Variants in CIBAR1 observed in about 807,000 individuals in gnomAD.
CIBAR1 encodes the protein CBY1 interacting BAR domain containing 1, also known as CBY1-interacting BAR domain-containing protein 1.
A neutral mutation model predicts 44.0 loss-of-function variants in CIBAR1; 25 were observed. The ratio of observed to expected loss-of-function variants is 0.57; its 90% CI spans 0.41 to 0.79. The LOEUF is 0.79. Ranked by LOEUF, CIBAR1 falls within the 30% of genes least tolerant of loss-of-function variation. The pLI, the probability that CIBAR1 is intolerant of heterozygous loss-of-function variation, is 0.00. For missense variants in CIBAR1, 278 were observed against 344.8 expected (o/e 0.81, Z 1.53); for synonymous variants, 115 against 119.0 (o/e 0.97, Z 0.22).
chr8:93,713,216 A>G (rs1432954255), intron 6 of CIBAR1, among the ~76,000 whole-genome samples: 1 of 151,650 alleles, frequency 6.6e-6, no homozygotes, highest in Non-Finnish European at 1.5e-5. Context: ...TATTTTTAGT[A>G]GAGATGGGGT....
intron 2 of CIBAR1, chr8:93,702,298 C>A: frequency 2.4e-6 from 1 of 410,742 alleles, no homozygotes; most frequent in East Asian, 7.2e-5. Context: ...GAGTTCTTGT[C>A]ATGAAACTTC....
At chr8:93,701,185 A>C in intron 1 of CIBAR1, 39 bp from the exon 2 acceptor site, 1 of 1,587,282 alleles carries the variant, frequency 6.3e-7, no homozygotes, top group Non-Finnish European at 8.6e-7. Flanking sequence ...TCTCATCTCT[A>C]ACGAGAATGT....
Position 93,728,365 on chromosome 8 carries a change from C to G in CIBAR1, c.*68C>G. ...AATGACTAAATTGTAGAACTTTATACTCACTTTGCTATGTTAAGCCTCAAA... is the reference window on the plus strand; with the variant it reads ...AATGACTAAATTGTAGAACTTTATAGTCACTTTGCTATGTTAAGCCTCAAA... On this transcript the variant is annotated 3_prime_UTR_variant, in exon 9 of 9. Coordinates refer to ENST00000518322, the MANE Select transcript of CIBAR1 (RefSeq NM_145269.5). The G allele has an allele frequency of 9.6e-7, 1 of 1,037,676 alleles. No individual in the cohort carries two copies. The highest frequency in any genetic ancestry group is 1.4e-6 in the Non-Finnish European group (1 of 709,264). 64.3% of individuals were successfully genotyped at this position (1,037,676 alleles called of 1,614,324 possible).
intron 7 of CIBAR1, 66 bp downstream of exon 7, chr8:93,718,854 G>T: frequency 2.0e-6 from 2 of 977,070 alleles, no homozygotes; most frequent in Non-Finnish European, 3.0e-6. Flanking sequence ...GAGAACATTA[G>T]TATGTGATTA....
chr8:93,727,454 G>GCAC (rs1338670262), intron 8 of CIBAR1, among the ~76,000 whole-genome samples: 1 of 152,134 alleles, frequency 6.6e-6, no homozygotes, highest in Non-Finnish European at 1.5e-5. Flanking sequence ...CACTTGTATA[G>GCAC]CACTTCAGAA....
intron 6 of CIBAR1, among the ~76,000 whole-genome samples, chr8:93,716,591 A>G (rs1230852352): frequency 6.6e-6 from 1 of 152,116 alleles, no homozygotes; most frequent in Non-Finnish European, 1.5e-5. Flanking sequence ...TTAAAGAGAA[A>G]GTATGTTGCA....
intron 5 of CIBAR1, 71 bp from the exon 6 acceptor site, chr8:93,709,700 A>G: frequency 7.9e-7 from 1 of 1,272,820 alleles, no homozygotes; most frequent in Non-Finnish European, 1.1e-6. Context: ...GGTAGAATTT[A>G]CCAGTAGGCT....
At chr8:93,726,955 A>G (rs1459687793) in intron 8 of CIBAR1, among the ~76,000 whole-genome samples, 3 of 152,196 alleles carry the variant, frequency 2.0e-5, no homozygotes, top group African/African-American at 4.8e-5. Flanking sequence ...AGAAAGCTTG[A>G]GTTTCCCAGT....
intron 6 of CIBAR1, among the ~76,000 whole-genome samples, chr8:93,717,518 A>G (rs1372395847): frequency 6.6e-6 from 1 of 152,178 alleles, no homozygotes; most frequent in African/African-American, 2.4e-5. Context: ...TCTCAGACTG[A>G]CGTATATCAC....
chr8:93,722,525 T>C (rs1811305155), intron 7 of CIBAR1, among the ~76,000 whole-genome samples: 1 of 152,114 alleles, frequency 6.6e-6, no homozygotes, highest in Non-Finnish European at 1.5e-5. Context: ...GATGAAACTC[T>C]GTCTCTACTA....
At chr8:93,727,523 C>G (rs1586300189) in intron 8 of CIBAR1, among the ~76,000 whole-genome samples, 1 of 152,158 alleles carries the variant, frequency 6.6e-6, no homozygotes, top group Non-Finnish European at 1.5e-5. Flanking sequence ...AATAATTGGG[C>G]CCACCAGGGA....
intron 7 of CIBAR1, among the ~76,000 whole-genome samples, chr8:93,722,517 T>G (rs1421625895): frequency 6.6e-6 from 1 of 152,088 alleles, no homozygotes; most frequent in Non-Finnish European, 1.5e-5. Flanking sequence ...GCCAACATGA[T>G]GAAACTCTGT....
At chr8:93,718,945 C>T (rs1454514850) in intron 7 of CIBAR1, among the ~76,000 whole-genome samples, 157 bp downstream of exon 7, 2 of 151,920 alleles carry the variant, frequency 1.3e-5, no homozygotes, top group Non-Finnish European at 2.9e-5. Flanking sequence ...CTCACTGCAA[C>T]TTCCGTCTCG....
rs893497093 is a variant in CIBAR1 at position 93,700,968 on chromosome 8, G to GCGGAGCAGC, written c.27-245_27-237dup. 5.9e-5 allele frequency: 82 copies of GCGGAGCAGC among 1,384,592 alleles called. 1 individual carries two copies. In the African/African-American group the frequency reaches 8.1e-4, roughly 14 times the overall value. The allele number at this position is 1,384,592 out of a possible 1,614,324, so 85.8% of individuals were successfully genotyped here. On this transcript the variant is annotated intron_variant, in intron 1 of 8. Transcript: ENST00000518322. ...CAGCCGGGCGCCCAGGCCGCGCTGC[G>GCGGAGCAGC]CGGAGCAGCCGGAGCAGCCACCTCC... is the stretch of plus-strand genomic sequence containing the variant.
At chr8:93,709,567 A>G (rs1427508048) in intron 5 of CIBAR1, 4 of 480,672 alleles carry the variant, frequency 8.3e-6, no homozygotes, top group Non-Finnish European at 1.1e-5. Flanking sequence ...TTTCTAGATC[A>G]TGAATCATAT....
intron 7 of CIBAR1, chr8:93,724,585 C>G (rs1811401686): frequency 7.9e-7 from 1 of 1,273,758 alleles, no homozygotes; most frequent in Non-Finnish European, 1.0e-6. Flanking sequence ...GTTGGCCTCC[C>G]AAAGTGTCAG....
chr8:93,703,282 A>G (rs912340473), intron 2 of CIBAR1, among the ~76,000 whole-genome samples: 1 of 152,208 alleles, frequency 6.6e-6, no homozygotes, highest in Non-Finnish European at 1.5e-5. Flanking sequence ...GTTCAGAGAT[A>G]ATATATGCAA....
At chr8:93,706,320 T>C (rs1418844618) in intron 4 of CIBAR1, 2 of 142,688 alleles carry the variant, frequency 1.4e-5, no homozygotes, top group African/African-American at 2.6e-5. Context: ...ATGGAGATTA[T>C]AGAATCTGTG....
intron 7 of CIBAR1, among the ~76,000 whole-genome samples, chr8:93,725,096 C>T (rs1811425261): frequency 2.0e-5 from 3 of 152,238 alleles, no homozygotes; most frequent in East Asian, 3.9e-4. Context: ...GATTCTCCTG[C>T]GTCAGCCTCC....
Sources: gnomAD v4.1 joint callset for allele counts (sites outside exome capture counted in the v4.1 genomes callset) on GRCh38, gnomAD v4.1.1 for gene constraint, MANE v1.5 for transcripts, NCBI Gene and HGNC (gene_info 2026-07-23, HGNC 2026-07-21) for gene names.